Variants in PDE10A observed in about 807,000 individuals in gnomAD.
PDE10A encodes cAMP and cAMP-inhibited cGMP 3',5'-cyclic phosphodiesterase 10A.
PDE10A carries 39 observed loss-of-function variants against 97.7 expected under a neutral mutation model. The observed-to-expected ratio is 0.40, with a 90% confidence interval of 0.31 to 0.52. The LOEUF (loss-of-function observed/expected upper bound fraction) is 0.52. Ranked by LOEUF, PDE10A falls within the 20% of genes least tolerant of loss-of-function variation. PDE10A has a pLI of 0.56. For missense variants in PDE10A, 731 were observed against 1,047.8 expected (o/e 0.70, Z 4.17); for synonymous variants, 371 against 376.8 (o/e 0.98, Z 0.18).
chr6:165,448,081 T>C (rs1791002448), intron 5 of PDE10A, among the ~76,000 whole-genome samples: 1 of 152,222 alleles, frequency 6.6e-6, no homozygotes, highest in African/African-American at 2.4e-5. Context: ...ATACATATTT[T>C]GATTACTCAA....
chr6:165,802,083 G>A (rs1779001019), intron 1 of PDE10A, among the ~76,000 whole-genome samples: 1 of 152,224 alleles, frequency 6.6e-6, no homozygotes, highest in Non-Finnish European at 1.5e-5. Flanking sequence ...TGTGTGACCT[G>A]AGTCCAAAAG....
chr6:165,436,594 A>C (rs2128240821), intron 5 of PDE10A, among the ~76,000 whole-genome samples: 1 of 152,278 alleles, frequency 6.6e-6, no homozygotes, highest in Admixed American at 6.5e-5. Context: ...GCTGTGCTTA[A>C]ATTGTATTTG....
At chr6:165,340,053 G>C (rs949485616) in intron 19 of PDE10A, among the ~76,000 whole-genome samples, 3 of 152,164 alleles carry the variant, frequency 2.0e-5, no homozygotes, top group African/African-American at 7.2e-5. Flanking sequence ...AGTTACTAAA[G>C]ATTCACTTAC....
chr6:165,655,827 G>A lies in PDE10A; in HGVS notation c.865+6120C>T, dbSNP rs1789924385. ...ATCCGGCCCATTTGCCACTTCACTT[G>A]CCACTGCCTGGTGGGCTCAGCTCCA... is the stretch of plus-strand genomic sequence containing the variant. On this transcript the variant is annotated intron_variant, in intron 1 of 21. Coordinates refer to ENST00000539869, the MANE Select transcript of PDE10A (RefSeq NM_001385079.1). The surrounding 1 kb of genome is among the most constrained non-coding windows in gnomAD (Gnocchi z 4.5). Among the ~76,000 whole-genome samples, 1 of 152,048 alleles carries A rather than the reference G, an allele frequency of 6.6e-6. No individual in the cohort carries two copies. The highest frequency in any genetic ancestry group is 1.5e-5 in the Non-Finnish European group (1 of 68,012).
At chr6:165,359,938 T>G (rs1411333108) in intron 18 of PDE10A, among the ~76,000 whole-genome samples, 3 of 152,166 alleles carry the variant, frequency 2.0e-5, no homozygotes, top group African/African-American at 7.2e-5. Flanking sequence ...TGACAGTCCA[T>G]TATGAGAAAT....
chr6:165,841,937 A>G (rs1423562390), intron 1 of PDE10A, among the ~76,000 whole-genome samples: 1 of 152,176 alleles, frequency 6.6e-6, no homozygotes, highest in Non-Finnish European at 1.5e-5. Flanking sequence ...CTCAACCTGA[A>G]CTGCTAAGTA....
At chr6:165,950,502 C>T (rs1359154444) in intron 1 of PDE10A, among the ~76,000 whole-genome samples, 5 of 152,156 alleles carry the variant, frequency 3.3e-5, no homozygotes, top group East Asian at 3.9e-4. Flanking sequence ...GGAAGGACAC[C>T]GGGCGGGAGC....
intron 1 of PDE10A, among the ~76,000 whole-genome samples, chr6:165,897,700 C>G (rs536122461): frequency 1.3e-5 from 2 of 150,872 alleles, no homozygotes; most frequent in African/African-American, 4.9e-5. Flanking sequence ...CTTGGAGTTC[C>G]GACGTGTCCT....
chr6:165,481,198 G>A (rs1779586807), intron 3 of PDE10A, among the ~76,000 whole-genome samples: 2 of 152,070 alleles, frequency 1.3e-5, no homozygotes, highest in African/African-American at 4.8e-5. Flanking sequence ...AGCATTTTCT[G>A]CTGCTCCTAG....
intron 1 of PDE10A, among the ~76,000 whole-genome samples, chr6:165,654,896 T>G (rs1789859794): frequency 6.6e-6 from 1 of 152,184 alleles, no homozygotes; most frequent in Admixed American, 6.5e-5. Context: ...CTCAGGATCT[T>G]GCCGGGTCAC....
In PDE10A at chr6:165,332,451, T is replaced by C. The variant is rs1048299448; in HGVS notation, c.*574A>G. 6.6e-6 allele frequency: 1 copy of C among 152,246 alleles called. No homozygotes were observed. Among genetic ancestry groups the C allele is most frequent in the Admixed American group, 6.5e-5 (1 of 15,290 alleles). 9.4% of individuals were successfully genotyped at this position (152,246 alleles called of 1,614,324 possible). A position where few individuals can be genotyped will look rare whatever the true frequency, so the allele number is the denominator to read the frequency against. ...ATTCATGAAGCTCTGAAATAAGAGT[T>C]TGACGTTTTGCCATCATTTCTTACT... On this transcript the variant is annotated 3_prime_UTR_variant, in exon 22 of 22. Transcript: ENST00000539869.
At chr6:165,926,394 C>A (rs1583293799) in intron 1 of PDE10A, among the ~76,000 whole-genome samples, 1 of 152,200 alleles carries the variant, frequency 6.6e-6, no homozygotes, top group Non-Finnish European at 1.5e-5. Flanking sequence ...GAAACCTCTC[C>A]TATTTTGGCT....
At chr6:165,470,371 T>C (rs1489378604) in intron 3 of PDE10A, among the ~76,000 whole-genome samples, 1 of 152,236 alleles carries the variant, frequency 6.6e-6, no homozygotes, top group Non-Finnish European at 1.5e-5. Context: ...AACCACATTA[T>C]AATATTATGC....
chr6:165,567,605 C>T (rs1784837049), intron 1 of PDE10A, among the ~76,000 whole-genome samples: 1 of 152,104 alleles, frequency 6.6e-6, no homozygotes, highest in Admixed American at 6.6e-5. Context: ...CCAATCTCTC[C>T]CCATATACTT....
rs1199455143 is a variant in PDE10A at position 165,418,947 on chromosome 6, T to C, written c.1654-170A>G. 6.6e-6 allele frequency among the ~76,000 whole-genome samples: 1 copy of C among 152,192 alleles called. No individual in the cohort carries two copies. The highest frequency in any genetic ancestry group is 1.5e-5 in the Non-Finnish European group (1 of 68,050). ...GTATATAAATATTTCATATATATGATATAAAAGTCACTGTTACATGCTAAT... is the reference window on the plus strand; with the variant it reads ...GTATATAAATATTTCATATATATGACATAAAAGTCACTGTTACATGCTAAT... On this transcript the variant is annotated intron_variant, in intron 10 of 21. Coordinates refer to ENST00000539869, the MANE Select transcript of PDE10A (RefSeq NM_001385079.1). This position sits in a 1 kb window ranked among gnomAD's most constrained non-coding sequence, Gnocchi z 4.8.
intron 1 of PDE10A, chr6:165,947,148 C>T (rs1207228558): frequency 6.6e-6 from 1 of 152,180 alleles, no homozygotes; most frequent in Non-Finnish European, 1.5e-5. Context: ...CACATTTCAT[C>T]TTCTGGGCGT....
At chr6:165,374,200 T>C (rs1242017539) in intron 18 of PDE10A, among the ~76,000 whole-genome samples, 4 of 151,444 alleles carry the variant, frequency 2.6e-5, no homozygotes, top group Non-Finnish European at 5.9e-5. Flanking sequence ...CTGCACATTG[T>C]GCACATGTAC....
intron 1 of PDE10A, among the ~76,000 whole-genome samples, chr6:165,698,396 G>A (rs9459482): frequency 1.3e-5 from 2 of 152,084 alleles, no homozygotes; most frequent in African/African-American, 4.8e-5. Flanking sequence ...AAAAGAACAG[G>A]CAACGCAAGC....
At chr6:165,373,058 C>T (rs1258586925) in intron 18 of PDE10A, among the ~76,000 whole-genome samples, 3 of 149,094 alleles carry the variant, frequency 2.0e-5, no homozygotes, top group Non-Finnish European at 4.4e-5. Flanking sequence ...CCCTTCCTTA[C>T]ACCTTATATA....
Sources: gnomAD v4.1 joint callset for allele counts (sites outside exome capture counted in the v4.1 genomes callset) on GRCh38, gnomAD v4.1.1 for gene constraint, Gnocchi (gnomAD v3.1) non-coding constraint, MANE v1.5 for transcripts, NCBI Gene and HGNC (gene_info 2026-07-23, HGNC 2026-07-21) for gene names.